The following RBMX variants were observed in gnomAD, a reference collection of about 807,000 sequenced individuals.
The protein encoded by RBMX is RNA binding motif protein X-linked.
In RBMX, 1 loss-of-function variant was observed where a neutral mutation model predicts 29.3. That is an observed-to-expected ratio of 0.03 (90% CI 0.01 to 0.16). The LOEUF (loss-of-function observed/expected upper bound fraction) is 0.16. Among genes scored for constraint, RBMX ranks in the 10% least tolerant of loss-of-function variants. The probability of loss-of-function intolerance (pLI) is 1.00; values close to 1 mark genes in which losing one functional copy is unlikely to be tolerated. For synonymous variants in RBMX, 102 were observed against 102.3 expected (o/e 1.00, Z 0.02); for missense variants, 121 against 333.2 (o/e 0.36, Z 4.96).
In RBMX at chrX:136,873,971, GTTTTAC is replaced by G. The variant is rs2077702222; in HGVS notation, c.*165_*170del. On this transcript the variant is annotated 3_prime_UTR_variant, in exon 9 of 9. Transcript: ENST00000320676. ...GCGAAAGTCAAATAAAATTAAACAT[GTTTTAC>G]TTTTTTCCTCACAAGAACATAAAAA... 3 of 1,083,173 alleles carry G rather than the reference GTTTTAC, an allele frequency of 2.8e-6. No homozygotes were observed. In the South Asian group the frequency reaches 7.8e-5, roughly 28 times the overall value. The allele number at this position is 1,083,173 out of a possible 1,213,427, so 89.3% of individuals were successfully genotyped here. A position where few individuals can be genotyped will look rare whatever the true frequency, so the allele number is the denominator to read the frequency against.
Position 136,875,589 on chromosome X carries a change from A to AAG in RBMX, c.542-6_542-5dup. ...TCTCTTCCACGTGATACAGGAGCTT[A>AAG]AGGAAAAATATCATTTTTTTAAACA... On this transcript the variant is annotated splice_region_variant and splice_polypyrimidine_tract_variant and intron_variant, in intron 5 of 8. Transcript: ENST00000320676. 8.4e-7 allele frequency: 1 copy of AAG among 1,196,717 alleles called. No homozygotes were observed. The highest frequency in any genetic ancestry group is 1.8e-5 in the South Asian group (1 of 54,087).
downstream of RBMX, among the ~76,000 whole-genome samples, chrX:136,870,636 G>A (rs781373790): frequency 9.1e-6 from 1 of 109,590 alleles, no homozygotes; most frequent in Non-Finnish European, 1.9e-5. Context: ...TTTGAGACCA[G>A]CCTGGCCAAC....
Position 136,873,946 on chromosome X carries a change from G to A in RBMX, c.*196C>T. ...TAACATTTGCTTGTTGAAAAGCAATGCGAAAGTCAAATAAAATTAAACATG... is the reference window on the plus strand; with the variant it reads ...TAACATTTGCTTGTTGAAAAGCAATACGAAAGTCAAATAAAATTAAACATG... On this transcript the variant is annotated 3_prime_UTR_variant, in exon 9 of 9. Coordinates refer to ENST00000320676, the MANE Select transcript of RBMX (RefSeq NM_002139.4). 3.7e-6 allele frequency: 4 copies of A among 1,076,067 alleles called. No homozygotes were observed. In the South Asian group the frequency reaches 7.9e-5, roughly 21 times the overall value. 88.7% of individuals were successfully genotyped at this position (1,076,067 alleles called of 1,213,427 possible).
rs368119043 is a variant in RBMX, at chrX:136,875,195, C to A, written c.783-27G>T. 17 of 1,209,433 alleles carry A rather than the reference C, an allele frequency of 1.4e-5. No individual in the cohort carries two copies. The African/African-American group carries it at 2.6e-4, about 19-fold the overall frequency. On this transcript the variant is annotated intron_variant, in intron 7 of 8. Coordinates refer to ENST00000320676, the MANE Select transcript of RBMX (RefSeq NM_002139.4). ...TAAATTAAAGAGAAACCTTTAAGTC[C>A]CAGAGAATCAACTTTCATTGCAACT...
downstream of RBMX, chrX:136,869,960 A>G (rs993737836): frequency 1.8e-5 from 2 of 112,414 alleles, no homozygotes; most frequent in Non-Finnish European, 3.8e-5. Flanking sequence ...GATGTCACTC[A>G]TAAGTTTTAT....
At position 136,876,960 on chromosome X, in the gene RBMX, C is replaced by T. The variant is rs1452433525; in HGVS notation, c.389-305G>A. ...AACTCCTGACCTTGTGATCCGCCTGCCTCAGCCTCCCAAAGTGCTGGGATT... is the reference window on the plus strand; with the variant it reads ...AACTCCTGACCTTGTGATCCGCCTGTCTCAGCCTCCCAAAGTGCTGGGATT... On this transcript the variant is annotated intron_variant, in intron 4 of 8. Coordinates refer to ENST00000320676, the MANE Select transcript of RBMX (RefSeq NM_002139.4). Among the ~76,000 whole-genome samples, 5 of 107,408 alleles carry T rather than the reference C, an allele frequency of 4.7e-5. No homozygotes were observed. The East Asian group carries it at 1.5e-3, about 33-fold the overall frequency. 93.3% of individuals were successfully genotyped at this position (107,408 alleles called of 115,157 possible). A position where few individuals can be genotyped will look rare whatever the true frequency, so the allele number is the denominator to read the frequency against.
At position 136,875,806 on chromosome X, in the gene RBMX, G is replaced by T. The variant is rs749361240; in HGVS notation, c.542-221C>A. Among the ~76,000 whole-genome samples the T allele has an allele frequency of 2.9e-4, 29 of 101,445 alleles. No homozygotes were observed. The East Asian group carries it at 3.4e-3, about 12-fold the overall frequency. 88.1% of individuals were successfully genotyped at this position (101,445 alleles called of 115,157 possible). On this transcript the variant is annotated intron_variant, in intron 5 of 8. Coordinates refer to ENST00000320676, the MANE Select transcript of RBMX (RefSeq NM_002139.4). Reference sequence around the variant, plus strand: ...CCTAGAACACATGACTAAAAGTTTTGTTTTTTTTTTTTGAGATGGGAGTCT... The same window carrying T: ...CCTAGAACACATGACTAAAAGTTTTTTTTTTTTTTTTTGAGATGGGAGTCT...
intron 3 of RBMX, among the ~76,000 whole-genome samples, chrX:136,878,490 A>C (rs1875620416): frequency 9.1e-6 from 1 of 110,031 alleles, no homozygotes; most frequent in Admixed American, 9.8e-5. Flanking sequence ...TCACACCTGT[A>C]ATCCCAGTAC....
chrX:136,874,921 A>T, intron 8 of RBMX, 165 bp downstream of exon 8: 2 of 982,217 alleles, frequency 2.0e-6, no homozygotes, highest in Non-Finnish European at 2.6e-6. Flanking sequence ...TTAGAAAAAC[A>T]AAAAAAGCCC....
chrX:136,878,015 C>T lies in RBMX; in HGVS notation c.288G>A (p.Pro96=), dbSNP rs746534991. The change falls in exon 4 of 9, where the codon CCG becomes CCA. Residue 96 remains proline, a synonymous_variant. Transcript: ENST00000320676. The stretch of plus-strand genomic sequence containing the variant: ...GGCCTCTACTTCTTGGAGGTGGAGG[C>T]GGTCCACGTCTACCACTTTCAAATG... ...KPSFESGRRG[P]PPPPRSRGPP... The T allele has an allele frequency of 1.8e-5, 22 of 1,208,009 alleles. No homozygotes were observed. Among genetic ancestry groups the T allele is most frequent in the Non-Finnish European group, 2.3e-5 (21 of 894,006 alleles).
rs2077698133 is a variant in RBMX at position 136,873,651 on chromosome X, T to G, written c.*491A>C. 1.3e-6 allele frequency: 1 copy of G among 755,651 alleles called. No individual in the cohort carries two copies. The highest frequency in any genetic ancestry group is 1.6e-6 in the Non-Finnish European group (1 of 639,147). The allele number at this position is 755,651 out of a possible 1,213,427, so 62.3% of individuals were successfully genotyped here. On this transcript the variant is annotated 3_prime_UTR_variant, in exon 9 of 9. Transcript: ENST00000320676. ...GAATAGCACTTTCCTTACATAGGCA[T>G]GTGATTTCAGGTTTTTCGTACTGAG...
chrX:136,877,164 GTC>G (rs1346435373), intron 4 of RBMX, among the ~76,000 whole-genome samples: 2 of 108,911 alleles, frequency 1.8e-5, no homozygotes, highest in East Asian at 3.1e-4. Flanking sequence ...GTAAAATCCT[GTC>G]TCTACTAAAA....
chrX:136,874,246 G>A lies in RBMX; in HGVS notation c.1072C>T (p.Pro358Ser), dbSNP rs138504318. The change falls in exon 9 of 9, where the codon CCT (proline) becomes TCT (serine). Residue 358 changes from proline (P) to serine (S), a missense_variant. Physicochemically the swap from Pro to Ser is moderately conservative, Grantham distance 74. Coordinates refer to ENST00000320676, the MANE Select transcript of RBMX (RefSeq NM_002139.4). ...GLPPSMERGY[P>S]PPRDSYSSSS... is the part of the protein sequence containing the mutation. ...CTGCTGTAGGAATCACGTGGAGGAG[G>A]GTACCCCCTTTCCATAGAAGGGGGA... The A allele has an allele frequency of 1.6e-6, 2 of 1,212,417 alleles. No individual in the cohort carries two copies. Among genetic ancestry groups the A allele is most frequent in the African/African-American group, 3.4e-5 (2 of 58,112 alleles).
chrX:136,879,044 C>T lies in RBMX; in HGVS notation c.189G>A (p.Lys63=). The T allele has an allele frequency of 8.3e-7, 1 of 1,210,934 alleles. No homozygotes were observed. Among genetic ancestry groups the T allele is most frequent in the Non-Finnish European group, 1.1e-6 (1 of 895,588 alleles). ...FVTFESPADA[K]DAARDMNGKS... is the part of the protein sequence containing the mutation. ...TTCCATTCATGTCTCTGGCTGCATC[C>T]TTAGCGTCTGCTGGGCTTTCAAAGG... The change falls in exon 3 of 9, where the codon AAG becomes AAA. Residue 63 remains lysine, a synonymous_variant. Coordinates refer to ENST00000320676, the MANE Select transcript of RBMX (RefSeq NM_002139.4).
rs1261521581 is a variant in RBMX, at chrX:136,875,536, T to C, written c.591A>G (p.Glu197=). ...AAACATCTCTACGAGAGGGCAGCGG[T>C]TCCCTTCGAGGTGGACCTCCATAAC... The part of the protein sequence containing the change: ...RDSYGGPPRR[E]PLPSRRDVYL... The change falls in exon 6 of 9, where the codon GAA becomes GAG. Residue 197 remains glutamate (E), a synonymous_variant. Transcript: ENST00000320676. The C allele has an allele frequency of 5.0e-6, 6 of 1,211,691 alleles. No individual in the cohort carries two copies. Among genetic ancestry groups the C allele is most frequent in the African/African-American group, 3.5e-5 (2 of 57,809 alleles).
chrX:136,873,977 C>A lies in RBMX; in HGVS notation c.*165G>T. The A allele has an allele frequency of 9.2e-7, 1 of 1,083,205 alleles. No individual in the cohort carries two copies. Among genetic ancestry groups the A allele is most frequent in the Non-Finnish European group, 1.2e-6 (1 of 834,644 alleles). The allele number at this position is 1,083,205 out of a possible 1,213,427, so 89.3% of individuals were successfully genotyped here. A position where few individuals can be genotyped will look rare whatever the true frequency, so the allele number is the denominator to read the frequency against. ...GTCAAATAAAATTAAACATGTTTTA[C>A]TTTTTTCCTCACAAGAACATAAAAA... On this transcript the variant is annotated 3_prime_UTR_variant, in exon 9 of 9. Transcript: ENST00000320676.
In RBMX at chrX:136,875,247, A is replaced by G; in HGVS notation, c.782+11T>C. 8.3e-7 allele frequency: 1 copy of G among 1,211,156 alleles called. No individual in the cohort carries two copies. Among genetic ancestry groups the G allele is most frequent in the Non-Finnish European group, 1.1e-6 (1 of 895,065 alleles). Reference sequence around the variant, plus strand: ...TTCTTACATGTAAGCCACAGAAGCAAAGTCACTTACCTATATCCTCTTGAT... The same window carrying G: ...TTCTTACATGTAAGCCACAGAAGCAGAGTCACTTACCTATATCCTCTTGAT... On this transcript the variant is annotated intron_variant, in intron 7 of 8. Transcript: ENST00000320676.
At position 136,873,900 on chromosome X, in the gene RBMX, T is replaced by A. The variant is rs1428427789; in HGVS notation, c.*242A>T. ...ACTTTTACTTGGAAAGTTACAACAC[T>A]AGTACAAGTCTTAACACATTTAACA... On this transcript the variant is annotated 3_prime_UTR_variant, in exon 9 of 9. Transcript: ENST00000320676. 4.9e-6 allele frequency: 5 copies of A among 1,015,646 alleles called. No homozygotes were observed. Among genetic ancestry groups the A allele is most frequent in the East Asian group, 7.8e-5 (2 of 25,601 alleles). The allele number at this position is 1,015,646 out of a possible 1,213,427, so 83.7% of individuals were successfully genotyped here. A position where few individuals can be genotyped will look rare whatever the true frequency, so the allele number is the denominator to read the frequency against.
downstream of RBMX, chrX:136,872,678 A>G (rs942859493): frequency 1.0e-5 from 2 of 195,976 alleles, no homozygotes; most frequent in Non-Finnish European, 1.9e-5. Flanking sequence ...CAAGTTTACT[A>G]TATTCAAGAG....
Sources: allele counts gnomAD v4.1 joint callset (sites outside exome capture counted in the v4.1 genomes callset), GRCh38; gene constraint gnomAD v4.1.1; transcripts MANE v1.5; gene names NCBI Gene and HGNC (gene_info 2026-07-23, HGNC 2026-07-21).